Variants in RYR2 observed in about 807,000 individuals in gnomAD.
RYR2 encodes cardiac muscle ryanodine receptor-calcium release channel.
RYR2 carries 227 observed loss-of-function variants against 601.1 expected under a neutral mutation model. That is an observed-to-expected ratio of 0.38 (90% confidence interval 0.34 to 0.42). RYR2 has a LOEUF of 0.42. RYR2 is among the 10% of genes least tolerant of loss of function. The probability of loss-of-function intolerance (pLI) is 1.00; values close to 1 mark genes in which losing one functional copy is unlikely to be tolerated. For synonymous variants in RYR2, 2,223 were observed against 2,175.1 expected (o/e 1.02, Z -0.61); for missense variants, 4,646 against 6,156.5 (o/e 0.75, Z 8.21).
chr1:237,370,949 C>T (rs902711076), intron 6 of RYR2, among the ~76,000 whole-genome samples: 3 of 152,182 alleles, frequency 2.0e-5, no homozygotes, highest in East Asian at 1.9e-4. Context: ...CATGAGCCAC[C>T]GCGCCCGGCC....
chr1:237,397,294 A>G (rs1702942067), intron 10 of RYR2, among the ~76,000 whole-genome samples: 1 of 152,102 alleles, frequency 6.6e-6, no homozygotes, highest in Admixed American at 6.6e-5. Flanking sequence ...GAAGACAAAA[A>G]TCTATGAAAT....
chr1:237,571,518 T>A (rs900196259), intron 29 of RYR2, among the ~76,000 whole-genome samples: 1 of 152,120 alleles, frequency 6.6e-6, no homozygotes, highest in African/African-American at 2.4e-5. Flanking sequence ...TTTTATCATG[T>A]TGGTGAGGCT....
intron 1 of RYR2, among the ~76,000 whole-genome samples, chr1:237,175,748 T>G (rs151099976): frequency 6.6e-6 from 1 of 152,308 alleles, no homozygotes; most frequent in East Asian, 1.9e-4. Flanking sequence ...CAATATCTAC[T>G]GGGTTCCAGG....
intron 10 of RYR2, among the ~76,000 whole-genome samples, chr1:237,394,928 G>A (rs1483015975): frequency 6.6e-6 from 1 of 152,160 alleles, no homozygotes; most frequent in African/African-American, 2.4e-5. Flanking sequence ...ATGGGAAGGA[G>A]GCATGTTTTA....
At chr1:237,132,578 G>A (rs1473268448) in intron 1 of RYR2, among the ~76,000 whole-genome samples, 2 of 152,088 alleles carry the variant, frequency 1.3e-5, no homozygotes, top group Non-Finnish European at 2.9e-5. Context: ...GTCAATAAAA[G>A]GCATCCAAAC....
At chr1:237,502,844 AAAG>A (rs1243200482) in intron 21 of RYR2, among the ~76,000 whole-genome samples, 69 of 149,222 alleles carry the variant, frequency 4.6e-4, no homozygotes, top group Non-Finnish European at 7.5e-4. Context: ...AAAAAAAAAA[AAAG>A]AAAAGAAAAG....
chr1:237,779,459 G>A (rs149882809), intron 88 of RYR2, among the ~76,000 whole-genome samples: 1,626 of 152,310 alleles, frequency 0.011, 18 homozygotes, highest in Middle Eastern at 0.02. Flanking sequence ...GACCTTCAGA[G>A]TGTGAGTATT....
rs112111781 is a variant in RYR2, at chr1:237,618,186, A to AT, written c.5916+711dup. Among the ~76,000 whole-genome samples, 423 of 149,498 alleles carry AT rather than the reference A, an allele frequency of 2.8e-3. 4 individuals carry two copies. The highest frequency in any genetic ancestry group is 8.5e-3 in the African/African-American group (346 of 40,918). ...AGTGTTTATAGGGACTAATTACAGA[A>AT]TTTTTTTTTTTCTCACCAGAATGTA... On this transcript the variant is annotated intron_variant, in intron 38 of 104. Coordinates refer to ENST00000366574, the MANE Select transcript of RYR2 (RefSeq NM_001035.3).
chr1:237,705,072 CA>C (rs1190469936), intron 66 of RYR2, 140 bp from the exon 67 acceptor site: 5 of 681,570 alleles, frequency 7.3e-6, no homozygotes, highest in African/African-American at 7.2e-5. Context: ...TGATGTTTAG[CA>C]ATACAGAAAT....
chr1:237,094,863 T>G (rs1667354509), intron 1 of RYR2, among the ~76,000 whole-genome samples: 1 of 152,196 alleles, frequency 6.6e-6, no homozygotes, highest in South Asian at 2.1e-4. Context: ...AGTGCTGGGA[T>G]TACAGGTGTG....
chr1:237,411,703 G>A (rs934714582), intron 10 of RYR2, among the ~76,000 whole-genome samples: 15 of 152,076 alleles, frequency 9.9e-5, no homozygotes, highest in African/African-American at 3.6e-4. Flanking sequence ...AAGAAAATGA[G>A]ACAGAGAGGT....
intron 3 of RYR2, among the ~76,000 whole-genome samples, chr1:237,349,237 A>G (rs1251094456): frequency 1.3e-5 from 2 of 152,210 alleles, no homozygotes; most frequent in Non-Finnish European, 2.9e-5. Context: ...AAAAGCTGTA[A>G]TAAGACTGAT....
At chr1:237,359,125 C>T (rs1699554349) in intron 4 of RYR2, among the ~76,000 whole-genome samples, 1 of 152,138 alleles carries the variant, frequency 6.6e-6, no homozygotes, top group South Asian at 2.1e-4. Flanking sequence ...ATGTAATACA[C>T]CTAACCTACA....
intron 71 of RYR2, among the ~76,000 whole-genome samples, chr1:237,715,635 A>G (rs967497408): frequency 6.6e-6 from 1 of 152,200 alleles, no homozygotes; most frequent in African/African-American, 2.4e-5. Context: ...AGAACTTTAC[A>G]GGTTAAAATC....
intron 1 of RYR2, among the ~76,000 whole-genome samples, chr1:237,225,167 G>A (rs1275251417): frequency 6.6e-6 from 1 of 152,084 alleles, no homozygotes; most frequent in Non-Finnish European, 1.5e-5. Flanking sequence ...TCTTACCTGG[G>A]TTCTGAAGAA....
chr1:237,284,757 AT>A, intron 2 of RYR2, among the ~76,000 whole-genome samples: 1 of 150,938 alleles, frequency 6.6e-6, no homozygotes, highest in East Asian at 2.0e-4. Flanking sequence ...GAAGATGGGC[AT>A]TTTTTTATTA....
chr1:237,776,437 G>A (rs1694662770), intron 87 of RYR2, among the ~76,000 whole-genome samples: 1 of 152,044 alleles, frequency 6.6e-6, no homozygotes, highest in African/African-American at 2.4e-5. Flanking sequence ...CTTGTGCACT[G>A]GCCACTTTCA....
chr1:237,766,985 G>T (rs192113750), intron 84 of RYR2, among the ~76,000 whole-genome samples: 2 of 152,050 alleles, frequency 1.3e-5, no homozygotes, highest in Non-Finnish European at 2.9e-5. Context: ...TAGAAATTTA[G>T]GTCATTTGAC....
chr1:237,463,635 G>C (rs931084685), intron 16 of RYR2, among the ~76,000 whole-genome samples: 1 of 152,136 alleles, frequency 6.6e-6, no homozygotes, highest in African/African-American at 2.4e-5. Flanking sequence ...GAGGAAGGGA[G>C]TTGGAGACCA....
Sources: allele counts gnomAD v4.1 joint callset (sites outside exome capture counted in the v4.1 genomes callset), GRCh38; gene constraint gnomAD v4.1.1; transcripts MANE v1.5; gene names NCBI Gene and HGNC (gene_info 2026-07-23, HGNC 2026-07-21).